PSKH2: variants seen among roughly 807,000 people sequenced by gnomAD.
The protein encoded by PSKH2 is serine/threonine-protein kinase H2.
In PSKH2, 16 loss-of-function variants were observed where a neutral mutation model predicts 22.5. The ratio of observed to expected loss-of-function variants is 0.71; its 90% CI spans 0.48 to 1.08. The LOEUF is 1.08. Among genes scored for constraint, PSKH2 ranks in the 50% least tolerant of loss-of-function variants. The pLI is 0.00. For missense variants in PSKH2, 516 were observed against 492.8 expected (o/e 1.05, Z -0.44); for synonymous variants, 188 against 184.8 (o/e 1.02, Z -0.14).
chr8:86,065,149 A>G (rs1817839356), intron 1 of PSKH2, among the ~76,000 whole-genome samples: 1 of 152,182 alleles, frequency 6.6e-6, no homozygotes, highest in Admixed American at 6.5e-5. Context: ...ATTCTTCAAC[A>G]ACAAACAAAT....
chr8:86,069,923 A>G (rs897254281), upstream of PSKH2, among the ~76,000 whole-genome samples: 10 of 152,360 alleles, frequency 6.6e-5, no homozygotes, highest in African/African-American at 2.4e-4. Context: ...GACAAAGTGA[A>G]CATATAAAAT....
At position 86,069,498 on chromosome 8, in the gene PSKH2, G is replaced by T. The variant is rs375810069; in HGVS notation, c.125C>A (p.Ala42Glu). ...AGPGPEAAAQ[A>E]AQRIQVARFR... ...GCGAGCCACCTGTATCCTCTGCGCC[G>T]CCTGGGCCGCCGCCTCGGGCCCAGG... Residue 42 changes from alanine to glutamate, a missense_variant, in exon 1 of 3, where the codon GCG becomes GAG. Coordinates refer to ENST00000276616, the MANE Select transcript of PSKH2 (RefSeq NM_033126.3). 1.9e-6 allele frequency: 3 copies of T among 1,608,678 alleles called. No individual in the cohort carries two copies. The highest frequency in any genetic ancestry group is 2.2e-5 in the South Asian group (2 of 90,628).
intron 2 of PSKH2, among the ~76,000 whole-genome samples, chr8:86,049,703 A>C (rs1022357622): frequency 2.2e-5 from 1 of 44,464 alleles, no homozygotes; most frequent in African/African-American, 8.9e-5. Context: ...AGAAAGAAAG[A>C]AAGAAAGAAA....
At position 86,069,423 on chromosome 8, in the gene PSKH2, C is replaced by T. The variant is rs779169981; in HGVS notation, c.185+15G>A. 9.6e-6 allele frequency: 15 copies of T among 1,561,352 alleles called. No homozygotes were observed. Among genetic ancestry groups the T allele is most frequent in the Non-Finnish European group, 1.2e-5 (14 of 1,154,782 alleles). On this transcript the variant is annotated intron_variant, in intron 1 of 2. Transcript: ENST00000276616. ...TCAGCCCAGTCCCAGGCCAGTTCCT[C>T]ACGTGGCGCTTTACCTGGCAAGGAC...
chr8:86,048,797 A>C (rs1460926162), intron 2 of PSKH2, 30 bp from the exon 3 acceptor site: 1 of 1,489,756 alleles, frequency 6.7e-7, no homozygotes, highest in African/African-American at 1.4e-5. Context: ...AGTTAGAATA[A>C]AATAAATAAA....
intron 2 of PSKH2, 62 bp downstream of exon 2, chr8:86,063,903 T>C: frequency 7.5e-7 from 1 of 1,340,440 alleles, no homozygotes. Flanking sequence ...ATGTCAAAAG[T>C]GACAAGGTGG....
At chr8:86,069,409 C>G (rs1329151591) in intron 1 of PSKH2, 29 bp downstream of exon 1, 2 of 1,540,316 alleles carry the variant, frequency 1.3e-6, no homozygotes, top group Non-Finnish European at 1.7e-6. Context: ...CAGCCCAGTC[C>G]CAGGCCAGTT....
chr8:86,069,405 A>G, intron 1 of PSKH2, 33 bp downstream of exon 1: 1 of 1,519,016 alleles, frequency 6.6e-7, no homozygotes, highest in Non-Finnish European at 8.8e-7. Flanking sequence ...TTGTCAGCCC[A>G]GTCCCAGGCC....
intron 2 of PSKH2, among the ~76,000 whole-genome samples, chr8:86,062,702 A>T (rs1817797451): frequency 6.6e-6 from 1 of 152,206 alleles, no homozygotes; most frequent in African/African-American, 2.4e-5. Context: ...GCCATGCAGA[A>T]CTGTGAGACA....
chr8:86,064,190 G>A lies in PSKH2; in HGVS notation c.627C>T (p.Tyr209=), dbSNP rs931848259. ...KILITDFGLA[Y]SGKKSGDWTM... Reference sequence around the variant, plus strand: ...TCCAGTCACCACTTTTTTTCCCGGAGTATGCCAAACCAAAATCTGTAATTA... The same window carrying A: ...TCCAGTCACCACTTTTTTTCCCGGAATATGCCAAACCAAAATCTGTAATTA... Residue 209 remains tyrosine (Y), a synonymous_variant, in exon 2 of 3, where the codon TAC becomes TAT. Coordinates refer to ENST00000276616, the MANE Select transcript of PSKH2 (RefSeq NM_033126.3). The A allele has an allele frequency of 1.2e-6, 2 of 1,613,844 alleles. No individual in the cohort carries two copies. The highest frequency in any genetic ancestry group is 1.7e-6 in the Non-Finnish European group (2 of 1,180,002).
chr8:86,048,810 G>A, intron 2 of PSKH2, 43 bp from the exon 3 acceptor site: 3 of 1,425,218 alleles, frequency 2.1e-6, no homozygotes, highest in Non-Finnish European at 2.8e-6. Context: ...TAAATAAAAT[G>A]GAAATATACA....
In PSKH2 at chr8:86,048,511, C is replaced by T. The variant is rs1488877726; in HGVS notation, c.1109G>A (p.Ser370Asn). ...TTCTACTATCCTTAAGTTTCTCTTG[C>T]TCCACATATGCCTGGATTTGTGAGA... ...HYSHKSRHMW[S>N]KRNLRIVESP... Residue 370 changes from serine to asparagine, a missense_variant, in exon 3 of 3, where the codon AGC becomes AAC. Physicochemically the swap from Ser to Asn is conservative, Grantham distance 46 (BLOSUM62 1). Transcript: ENST00000276616. 1.2e-6 allele frequency: 2 copies of T among 1,614,096 alleles called. No homozygotes were observed. Among genetic ancestry groups the T allele is most frequent in the Middle Eastern group, 1.7e-4 (1 of 6,060 alleles).
intron 2 of PSKH2, among the ~76,000 whole-genome samples, chr8:86,061,791 C>T (rs1018890555): frequency 1.3e-5 from 2 of 152,304 alleles, no homozygotes; most frequent in Non-Finnish European, 2.9e-5. Context: ...CCATCCCAGT[C>T]AAGCCCCCAG....
intron 2 of PSKH2, among the ~76,000 whole-genome samples, chr8:86,059,708 T>A (rs944613248): frequency 2.0e-5 from 3 of 152,216 alleles, no homozygotes; most frequent in African/African-American, 7.2e-5. Context: ...TTTTATCACA[T>A]AAGGTAGCAA....
intron 2 of PSKH2, among the ~76,000 whole-genome samples, chr8:86,049,457 G>A (rs983262493): frequency 1.3e-5 from 2 of 151,954 alleles, no homozygotes; most frequent in African/African-American, 4.8e-5. Flanking sequence ...TACTCAGGAA[G>A]CTGAGGTGGG....
intron 2 of PSKH2, among the ~76,000 whole-genome samples, chr8:86,059,111 T>C (rs1357308217): frequency 6.6e-6 from 1 of 152,008 alleles, no homozygotes; most frequent in East Asian, 1.9e-4. Context: ...GGCTAATTTT[T>C]TGTATTTTTT....
rs1246592448 is a variant in PSKH2, at chr8:86,049,730, G to C, written c.853-963C>G. Among the ~76,000 whole-genome samples the C allele has an allele frequency of 1.0e-4, 6 of 57,296 alleles. 1 individual carries two copies. In the South Asian group the frequency reaches 5.4e-3, roughly 52 times the overall value. 37.6% of individuals were successfully genotyped at this position (57,296 alleles called of 152,430 possible). A position where few individuals can be genotyped will look rare whatever the true frequency, so the allele number is the denominator to read the frequency against. ...AGAAAGAAAGAAAGAAAGAAAGAAA[G>C]AAAGAAAGAAAGAAAGAAACGAAAG... On this transcript the variant is annotated intron_variant, in intron 2 of 2. Transcript: ENST00000276616.
chr8:86,065,539 C>T (rs184429463), intron 1 of PSKH2, among the ~76,000 whole-genome samples: 158 of 152,158 alleles, frequency 1.0e-3, no homozygotes, highest in Non-Finnish European at 2.1e-3. Context: ...ATATGTTTAC[C>T]TACGTAACAA....
intron 1 of PSKH2, among the ~76,000 whole-genome samples, chr8:86,068,831 C>T (rs1369851348): frequency 2.6e-5 from 4 of 152,130 alleles, no homozygotes; most frequent in Non-Finnish European, 5.9e-5. Flanking sequence ...AGTCCTCTCA[C>T]ACCCCCACCC....
Sources: gnomAD v4.1 joint callset for allele counts (sites outside exome capture counted in the v4.1 genomes callset) on GRCh38, gnomAD v4.1.1 for gene constraint, MANE v1.5 for transcripts, NCBI Gene and HGNC (gene_info 2026-07-23, HGNC 2026-07-21) for gene names.